The following GTSE1 variants were observed in gnomAD, a reference collection of about 807,000 sequenced individuals.
The protein encoded by GTSE1 is G2 and S-phase expressed 1.
GTSE1 carries 52 observed loss-of-function variants against 60.5 expected under a neutral mutation model. The ratio of observed to expected loss-of-function variants is 0.86; its 90% CI spans 0.69 to 1.08. GTSE1 has a LOEUF of 1.08. Among genes scored for constraint, GTSE1 ranks in the 50% least tolerant of loss-of-function variants. The probability of loss-of-function intolerance (pLI) is 0.00; values close to 1 mark genes in which losing one functional copy is unlikely to be tolerated. For synonymous variants in GTSE1, 368 were observed against 386.5 expected (o/e 0.95, Z 0.56); for missense variants, 937 against 961.8 (o/e 0.97, Z 0.34).
At position 46,329,046 on chromosome 22, in the gene GTSE1, A is replaced by G; in HGVS notation, c.1926+157A>G. The G allele has an allele frequency of 1.6e-6, 1 of 641,390 alleles. No individual in the cohort carries two copies. Among genetic ancestry groups the G allele is most frequent in the Non-Finnish European group, 2.7e-6 (1 of 366,380 alleles). The allele number at this position is 641,390 out of a possible 1,614,324, so 39.7% of individuals were successfully genotyped here. A position where few individuals can be genotyped will look rare whatever the true frequency, so the allele number is the denominator to read the frequency against. ...CCAAGCAACCCAAAGGGAGGCAGTC[A>G]GGACTTCCAGGCCTCCAGGGGAGAA... On this transcript the variant is annotated intron_variant, in intron 10 of 11. Transcript: ENST00000454366. The surrounding 1 kb of genome is among the most constrained non-coding windows in gnomAD (Gnocchi z 6.4).
chr22:46,310,018 G>T lies in GTSE1; in HGVS notation c.762+1075G>T, dbSNP rs955499862. ...TTTTGATCTCCTGGTCCTGGGTGGT[G>T]AGCTGGGGTCCAGAGAGCTTGTTCC... On this transcript the variant is annotated intron_variant, in intron 4 of 11. Transcript: ENST00000454366. The surrounding 1 kb of genome is among the most constrained non-coding windows in gnomAD (Gnocchi z 4.4). 1.3e-5 allele frequency among the ~76,000 whole-genome samples: 2 copies of T among 152,198 alleles called. No individual in the cohort carries two copies. Among genetic ancestry groups the T allele is most frequent in the Non-Finnish European group, 2.9e-5 (2 of 68,040 alleles).
Position 46,318,864 on chromosome 22 carries a change from C to T in GTSE1, c.1432+2452C>T, listed in dbSNP as rs1156948129. The stretch of plus-strand genomic sequence containing the variant: ...CTCCATCCTGTGCTGCCGTGATGAG[C>T]TTCTCATCCTCATGGTCTAGTGTGG... On this transcript the variant is annotated intron_variant, in intron 7 of 11. Transcript: ENST00000454366. This position sits in a 1 kb window ranked among gnomAD's most constrained non-coding sequence, Gnocchi z 4.8. Among the ~76,000 whole-genome samples the T allele has an allele frequency of 6.6e-6, 1 of 152,132 alleles. No homozygotes were observed. Among genetic ancestry groups the T allele is most frequent in the African/African-American group, 2.4e-5 (1 of 41,428 alleles).
In GTSE1 at chr22:46,313,634, G is replaced by C. The variant is rs1387249203; in HGVS notation, c.928-256G>C. ...AGCAATTCTCCTACCTCAGCCTCCC[G>C]AGTAGCTGGGACTACAGGTGCCTGC... On this transcript the variant is annotated intron_variant, in intron 5 of 11. Transcript: ENST00000454366. This position sits in a 1 kb window ranked among gnomAD's most constrained non-coding sequence, Gnocchi z 4.4. Among the ~76,000 whole-genome samples the C allele has an allele frequency of 6.6e-6, 1 of 152,070 alleles. No individual in the cohort carries two copies.
Position 46,297,259 on chromosome 22 carries a change from G to T in GTSE1, c.-21-121G>T, listed in dbSNP as rs1458910228. 4 of 673,154 alleles carry T rather than the reference G, an allele frequency of 5.9e-6. No individual in the cohort carries two copies. The East Asian group carries it at 1.1e-4, about 19-fold the overall frequency. The allele number at this position is 673,154 out of a possible 1,614,324, so 41.7% of individuals were successfully genotyped here. On this transcript the variant is annotated intron_variant, in intron 1 of 11. Coordinates refer to ENST00000454366, the MANE Select transcript of GTSE1 (RefSeq NM_016426.7). The surrounding 1 kb of genome is among the most constrained non-coding windows in gnomAD (Gnocchi z 4.9). ...ATCATTTCAGAGCGGCCCCCGCGCC[G>T]CCTCTCCCAGACCTGGCCGCGGCCT...
rs368970263 is a variant in GTSE1, at chr22:46,326,499, C to T, written c.1569C>T (p.Ser523=). The T allele has an allele frequency of 8.7e-6, 14 of 1,614,064 alleles. No homozygotes were observed. Among genetic ancestry groups the T allele is most frequent in the East Asian group, 2.2e-5 (1 of 44,884 alleles). The part of the protein sequence containing the change: ...SSGPAPQSLL[S]AWRVSALPTP... ...GGCCAGCACCACAAAGCCTGCTGAGCGCATGGCGTGTGTCAGCCTTGCCCA... is the reference window on the plus strand; with the variant it reads ...GGCCAGCACCACAAAGCCTGCTGAGTGCATGGCGTGTGTCAGCCTTGCCCA... Residue 523 remains serine (S), a synonymous_variant, in exon 9 of 12, where the codon AGC becomes AGT. Coordinates refer to ENST00000454366, the MANE Select transcript of GTSE1 (RefSeq NM_016426.7).
chr22:46,322,346 A>G (rs998742281), intron 7 of GTSE1, among the ~76,000 whole-genome samples: 2 of 152,092 alleles, frequency 1.3e-5, no homozygotes, highest in Non-Finnish European at 2.9e-5. Context: ...TCCAGGCCCC[A>G]CCCTTCCCTC....
Position 46,317,122 on chromosome 22 carries a change from C to T in GTSE1, c.1432+710C>T, listed in dbSNP as rs6520009. Reference sequence around the variant, plus strand: ...GATTACAGGTGCCCACCACCACACCCGGCTAATTTTTTTTTTGTATTTTTG... The same window carrying T: ...GATTACAGGTGCCCACCACCACACCTGGCTAATTTTTTTTTTGTATTTTTG... On this transcript the variant is annotated intron_variant, in intron 7 of 11. Coordinates refer to ENST00000454366, the MANE Select transcript of GTSE1 (RefSeq NM_016426.7). The surrounding 1 kb of genome is among the most constrained non-coding windows in gnomAD (Gnocchi z 5.6). 0.21 allele frequency among the ~76,000 whole-genome samples: 32,434 copies of T among 151,948 alleles called. 5,191 individuals carry two copies. The highest frequency in any genetic ancestry group is 0.45 in the African/African-American group (18,485 of 41,428).
rs2077857884 is a variant in GTSE1, at chr22:46,328,685, C to T, written c.1725-3C>T. 1.9e-6 allele frequency: 3 copies of T among 1,607,966 alleles called. No homozygotes were observed. Among genetic ancestry groups the T allele is most frequent in the Admixed American group, 1.7e-5 (1 of 59,788 alleles). On this transcript the variant is annotated splice_polypyrimidine_tract_variant and splice_region_variant and intron_variant, in intron 9 of 11. Transcript: ENST00000454366. Reference sequence around the variant, plus strand: ...TTCTCATAAGTTTTTTTCCTTCCCACAGAACTGAACCAACAAGGGAGAGCA... The same window carrying T: ...TTCTCATAAGTTTTTTTCCTTCCCATAGAACTGAACCAACAAGGGAGAGCA...
intron 2 of GTSE1, among the ~76,000 whole-genome samples, chr22:46,299,235 C>G (rs1405735271): frequency 6.6e-6 from 1 of 152,272 alleles, no homozygotes; most frequent in Admixed American, 6.5e-5. Flanking sequence ...TCTTCTGAGG[C>G]TGATTTCCCC....
In GTSE1 at chr22:46,314,771, G is replaced by T. The variant is rs894779908; in HGVS notation, c.1051+758G>T. ...GGTGCCTGTAGTCCCAGCTACTCGG[G>T]AGACTGGGCCACGAGAATGGCTTGA... is the stretch of plus-strand genomic sequence containing the variant. On this transcript the variant is annotated intron_variant, in intron 6 of 11. Coordinates refer to ENST00000454366, the MANE Select transcript of GTSE1 (RefSeq NM_016426.7). The surrounding 1 kb of genome is among the most constrained non-coding windows in gnomAD (Gnocchi z 7.1). Among the ~76,000 whole-genome samples, 1 of 151,094 alleles carries T rather than the reference G, an allele frequency of 6.6e-6. No individual in the cohort carries two copies.
At position 46,310,736 on chromosome 22, in the gene GTSE1, C is replaced by A. The variant is rs1184675256; in HGVS notation, c.763-1405C>A. 6.6e-6 allele frequency among the ~76,000 whole-genome samples: 1 copy of A among 152,062 alleles called. No individual in the cohort carries two copies. Among genetic ancestry groups the A allele is most frequent in the Admixed American group, 6.5e-5 (1 of 15,268 alleles). On this transcript the variant is annotated intron_variant, in intron 4 of 11. Transcript: ENST00000454366. This position sits in a 1 kb window ranked among gnomAD's most constrained non-coding sequence, Gnocchi z 4.4. The stretch of plus-strand genomic sequence containing the variant: ...CTGAGGTCAGGAGTTTGAGCCCAGC[C>A]CGGCCAACATGGTGAAACCCCGTCT...
At position 46,328,904 on chromosome 22, in the gene GTSE1, C is replaced by A; in HGVS notation, c.1926+15C>A. On this transcript the variant is annotated intron_variant, in intron 10 of 11. Coordinates refer to ENST00000454366, the MANE Select transcript of GTSE1 (RefSeq NM_016426.7). The stretch of plus-strand genomic sequence containing the variant: ...CCCCTAGTGAGGTGGGCAGAACGGG[C>A]GCAGCTGGGTTCTGTTAGCTGAGAT... 3 of 1,598,134 alleles carry A rather than the reference C, an allele frequency of 1.9e-6. No homozygotes were observed. Among genetic ancestry groups the A allele is most frequent in the Non-Finnish European group, 2.6e-6 (3 of 1,166,954 alleles).
chr22:46,308,750 T>C lies in GTSE1; in HGVS notation c.569T>C (p.Leu190Pro), dbSNP rs764310133. The change falls in exon 4 of 12, where the codon CTG becomes CCG. Residue 190 changes from leucine (L) to proline (P), a missense_variant. Leu to Pro is a moderately conservative substitution (Grantham distance 98, BLOSUM62 -3). Transcript: ENST00000454366. ...CGGCTCTTGGCCTCCTCCCCGGCCC[T>C]GCCCAGCTCTGGTGCCCAGGCCCGC... ...EPRLLASSPALPSSGAQARLT... is the reference protein window; with the variant it reads ...EPRLLASSPAPPSSGAQARLT... The C allele has an allele frequency of 6.2e-7, 1 of 1,613,190 alleles. No individual in the cohort carries two copies. The highest frequency in any genetic ancestry group is 1.1e-5 in the South Asian group (1 of 91,078).
At position 46,320,155 on chromosome 22, in the gene GTSE1, C is replaced by T. The variant is rs936375639; in HGVS notation, c.1433-3035C>T. ...GCGTCTGCCATGTCTCTCCTGACCA[C>T]GTTGGCACAAGTGTTGGCTGGTCTC... On this transcript the variant is annotated intron_variant, in intron 7 of 11. Coordinates refer to ENST00000454366, the MANE Select transcript of GTSE1 (RefSeq NM_016426.7). This position sits in a 1 kb window ranked among gnomAD's most constrained non-coding sequence, Gnocchi z 7.1. Among the ~76,000 whole-genome samples the T allele has an allele frequency of 1.3e-5, 2 of 152,158 alleles. No homozygotes were observed. The highest frequency in any genetic ancestry group is 4.8e-5 in the African/African-American group (2 of 41,432).
At position 46,318,553 on chromosome 22, in the gene GTSE1, T is replaced by A. The variant is rs2077793817; in HGVS notation, c.1432+2141T>A. 6.6e-6 allele frequency among the ~76,000 whole-genome samples: 1 copy of A among 152,022 alleles called. No individual in the cohort carries two copies. The highest frequency in any genetic ancestry group is 2.4e-5 in the African/African-American group (1 of 41,388). On this transcript the variant is annotated intron_variant, in intron 7 of 11. Coordinates refer to ENST00000454366, the MANE Select transcript of GTSE1 (RefSeq NM_016426.7). This position sits in a 1 kb window ranked among gnomAD's most constrained non-coding sequence, Gnocchi z 4.8. The stretch of plus-strand genomic sequence containing the variant: ...GATGGTGTCCTGGAGCTGGCATGTT[T>A]GGGGAGGAATTTGCATCGGGTGGTT...
At chr22:46,300,498 T>C (rs143228628) in intron 2 of GTSE1, among the ~76,000 whole-genome samples, 7 of 152,326 alleles carry the variant, frequency 4.6e-5, no homozygotes, top group African/African-American at 1.7e-4. Context: ...CTGACCCAAC[T>C]TGTGTTTTCA....
intron 2 of GTSE1, among the ~76,000 whole-genome samples, chr22:46,302,534 G>C (rs1471681293): frequency 6.6e-6 from 1 of 151,920 alleles, no homozygotes; most frequent in Non-Finnish European, 1.5e-5. Context: ...GCTAATTTTT[G>C]TATTTTTTGT....
chr22:46,307,078 C>T (rs2077719456), intron 2 of GTSE1, among the ~76,000 whole-genome samples: 1 of 152,082 alleles, frequency 6.6e-6, no homozygotes. Context: ...GAGCAGGTGC[C>T]CCTGCAGAGG....
rs551261334 is a variant in GTSE1 at position 46,317,473 on chromosome 22, A to G, written c.1432+1061A>G. Reference sequence around the variant, plus strand: ...TTTTAGGGTCTACGATTCTTCTCATACCATCTTCCCCATCATTTTGGGGTC... The same window carrying G: ...TTTTAGGGTCTACGATTCTTCTCATGCCATCTTCCCCATCATTTTGGGGTC... On this transcript the variant is annotated intron_variant, in intron 7 of 11. Transcript: ENST00000454366. This position sits in a 1 kb window ranked among gnomAD's most constrained non-coding sequence, Gnocchi z 5.6. Among the ~76,000 whole-genome samples, 1 of 152,176 alleles carries G rather than the reference A, an allele frequency of 6.6e-6. No individual in the cohort carries two copies. Among genetic ancestry groups the G allele is most frequent in the East Asian group, 1.9e-4 (1 of 5,180 alleles).
Sources: gnomAD v4.1 joint callset for allele counts (sites outside exome capture counted in the v4.1 genomes callset) on GRCh38, gnomAD v4.1.1 for gene constraint, Gnocchi (gnomAD v3.1) non-coding constraint, MANE v1.5 for transcripts, NCBI Gene and HGNC (gene_info 2026-07-23, HGNC 2026-07-21) for gene names.